The following LRRC37A3 variants were observed in gnomAD, a reference collection of about 807,000 sequenced individuals.
LRRC37A3 encodes leucine-rich repeat-containing protein 37A3.
LRRC37A3 carries 25 observed loss-of-function variants against 106.2 expected under a neutral mutation model. The ratio of observed to expected loss-of-function variants is 0.24; its 90% CI spans 0.17 to 0.33. The LOEUF (loss-of-function observed/expected upper bound fraction) is 0.33, where lower values mean the gene tolerates loss of function less well. Ranked by LOEUF, LRRC37A3 falls within the 10% of genes least tolerant of loss-of-function variation. LRRC37A3 has a pLI of 1.00. For missense variants in LRRC37A3, 712 were observed against 1,644.9 expected, an observed-to-expected ratio of 0.43 and a Z score of 9.81; for synonymous variants, 305 against 635.8, an observed-to-expected ratio of 0.48 and a Z score of 7.83.
At chr17:64,876,445 A>T (rs1973519317) in intron 8 of LRRC37A3, among the ~76,000 whole-genome samples, 1 of 152,194 alleles carries the variant, frequency 6.6e-6, no homozygotes, top group African/African-American at 2.4e-5. Context: ...GCAGCCTCCC[A>T]AAGTGCTAGG....
At chr17:64,871,558 C>T (rs1295024002) in intron 8 of LRRC37A3, 4 of 152,000 alleles carry the variant, frequency 2.6e-5, no homozygotes, top group Non-Finnish European at 5.9e-5. Context: ...CATGATCCCA[C>T]TAGTGATCAG....
intron 8 of LRRC37A3, among the ~76,000 whole-genome samples, chr17:64,878,666 G>A (rs1357241418): frequency 1.3e-5 from 2 of 152,210 alleles, no homozygotes; most frequent in Non-Finnish European, 2.9e-5. Context: ...GCTATGAGAA[G>A]AGACAGACAA....
intron 8 of LRRC37A3, among the ~76,000 whole-genome samples, chr17:64,874,666 G>A (rs1387235236): frequency 6.6e-6 from 1 of 152,280 alleles, no homozygotes; most frequent in African/African-American, 2.4e-5. Context: ...AGGGGGAAAT[G>A]TGGGGAAAAG....
intron 10 of LRRC37A3, among the ~76,000 whole-genome samples, chr17:64,864,269 G>A (rs988286477): frequency 5.9e-5 from 9 of 152,040 alleles, no homozygotes; most frequent in Non-Finnish European, 8.8e-5. Flanking sequence ...CTTGAATTTC[G>A]TCATGAGGAA....
chr17:64,860,190 G>A lies in LRRC37A3; in HGVS notation c.3956C>T (p.Pro1319Leu), dbSNP rs747309618. 2 of 1,613,854 alleles carry A rather than the reference G, an allele frequency of 1.2e-6. No homozygotes were observed. The highest frequency in any genetic ancestry group is 2.2e-5 in the South Asian group (2 of 91,068). Residue 1319 changes from proline to leucine, a missense_variant, in exon 12 of 15, where the codon CCC (proline) becomes CTC (leucine). By Grantham distance (98) the Pro-to-Leu change is moderately conservative. Coordinates refer to ENST00000584306, the MANE Select transcript of LRRC37A3 (RefSeq NM_199340.5). ...KTRSRMTHRT[P>L]KVKKSPKVRK... ...GACCTTTGGACTCTTTTTGACCTTG[G>A]GTGTTCTGTGGGTCATGCGGGAGCG...
At chr17:64,916,131 C>A (rs77758517) in intron 2 of LRRC37A3, among the ~76,000 whole-genome samples, 2 of 151,272 alleles carry the variant, frequency 1.3e-5, no homozygotes, top group Non-Finnish European at 2.9e-5. Flanking sequence ...AGAAGCCTGG[C>A]GTGGTGGCTC....
intron 9 of LRRC37A3, 106 bp from the exon 10 acceptor site, chr17:64,868,642 A>G (rs973971179): frequency 6.8e-7 from 1 of 1,475,594 alleles, no homozygotes; most frequent in South Asian, 1.2e-5. Context: ...TCAAGAGTTT[A>G]TTTGCTGTAG....
chr17:64,862,927 C>A lies in LRRC37A3; in HGVS notation c.3145G>T (p.Ala1049Ser), dbSNP rs145450424. The A allele has an allele frequency of 6.3e-7, 1 of 1,599,182 alleles. No individual in the cohort carries two copies. Among genetic ancestry groups the A allele is most frequent in the Non-Finnish European group, 8.5e-7 (1 of 1,179,774 alleles). Reference sequence around the variant, plus strand: ...CAATGTGTGGTGTTTGTCAGACATGCACTGTTGCAATGCAGCTTGACTGTC... The same window carrying A: ...CAATGTGTGGTGTTTGTCAGACATGAACTGTTGCAATGCAGCTTGACTGTC... ...CKTVKLHCNS[A>S]CLTNTTHCPE... The change falls in exon 11 of 15, where the codon GCA (alanine) becomes TCA (serine). Residue 1049 changes from alanine to serine, a missense_variant. Ala to Ser is a moderately conservative substitution (Grantham distance 99, BLOSUM62 1). Transcript: ENST00000584306.
rs1290888600 is a variant in LRRC37A3 at position 64,854,784 on chromosome 17, G to T, written c.4860-140C>A. The stretch of plus-strand genomic sequence containing the variant: ...CCTGTTGAGGATCTTGTCCTCATTA[G>T]ATGACTTCTTGTGCAGCTTCCATGT... On this transcript the variant is annotated intron_variant, in intron 14 of 14. Transcript: ENST00000584306. The T allele has an allele frequency of 2.5e-6, 4 of 1,611,610 alleles. No homozygotes were observed. The African/African-American group carries it at 5.3e-5, about 22-fold the overall frequency.
chr17:64,878,240 A>C (rs1347308147), intron 8 of LRRC37A3, among the ~76,000 whole-genome samples: 1 of 152,256 alleles, frequency 6.6e-6, no homozygotes, highest in African/African-American at 2.4e-5. Context: ...AGCCTGATTT[A>C]AAACCAAACA....
chr17:64,884,232 A>C (rs1313538750), intron 8 of LRRC37A3, among the ~76,000 whole-genome samples: 1 of 143,948 alleles, frequency 6.9e-6, no homozygotes, highest in Non-Finnish European at 1.5e-5. Flanking sequence ...ACAAATGGAC[A>C]TGACACTCTG....
At chr17:64,867,068 C>T (rs1191900207) in intron 10 of LRRC37A3, among the ~76,000 whole-genome samples, 1 of 151,928 alleles carries the variant, frequency 6.6e-6, no homozygotes. Flanking sequence ...CTTTTAGATG[C>T]TGGATTAGAC....
At chr17:64,878,612 C>T (rs1973589984) in intron 8 of LRRC37A3, among the ~76,000 whole-genome samples, 1 of 152,034 alleles carries the variant, frequency 6.6e-6, no homozygotes, top group Non-Finnish European at 1.5e-5. Flanking sequence ...GGGAAATGTC[C>T]ATCAAAAACT....
rs76813102 is a variant in LRRC37A3 at position 64,858,898 on chromosome 17, A to C, written c.4705-15T>G. 2.7e-6 allele frequency: 4 copies of C among 1,485,452 alleles called. No individual in the cohort carries two copies. The highest frequency in any genetic ancestry group is 3.7e-6 in the Non-Finnish European group (4 of 1,071,336). The allele number at this position is 1,485,452 out of a possible 1,614,324, so 92.0% of individuals were successfully genotyped here. A position where few individuals can be genotyped will look rare whatever the true frequency, so the allele number is the denominator to read the frequency against. On this transcript the variant is annotated splice_polypyrimidine_tract_variant and intron_variant, in intron 12 of 14. Coordinates refer to ENST00000584306, the MANE Select transcript of LRRC37A3 (RefSeq NM_199340.5). ...TCTTTTGTGAACTAAAAAAAAAAAA[A>C]CCAGAATGAGAGCTAACTATTCAAA... is the stretch of plus-strand genomic sequence containing the variant.
Position 64,860,177 on chromosome 17 carries a change from C to A in LRRC37A3, c.3969G>T (p.Lys1323Asn). The part of the protein sequence containing the change: ...RMTHRTPKVK[K>N]SPKVRKKSYL... ...AACTTTTCTTTCTGACCTTTGGACTCTTTTTGACCTTGGGTGTTCTGTGGG... is the reference window on the plus strand; with the variant it reads ...AACTTTTCTTTCTGACCTTTGGACTATTTTTGACCTTGGGTGTTCTGTGGG... Residue 1323 changes from lysine to asparagine, a missense_variant, in exon 12 of 15, where the codon AAG (lysine) becomes AAT (asparagine). By Grantham distance (94) the Lys-to-Asn change is moderately conservative. Coordinates refer to ENST00000584306, the MANE Select transcript of LRRC37A3 (RefSeq NM_199340.5). 1.9e-6 allele frequency: 3 copies of A among 1,613,924 alleles called. No individual in the cohort carries two copies. The highest frequency in any genetic ancestry group is 2.5e-6 in the Non-Finnish European group (3 of 1,179,864).
intron 2 of LRRC37A3, among the ~76,000 whole-genome samples, chr17:64,912,360 CAT>C (rs1567788250): frequency 2.0e-5 from 3 of 151,510 alleles, no homozygotes; most frequent in Non-Finnish European, 4.4e-5. Context: ...TACACACACA[CAT>C]ATATACAATT....
chr17:64,869,301 C>A lies in LRRC37A3; in HGVS notation c.2907-135G>T. 2.8e-6 allele frequency: 4 copies of A among 1,411,294 alleles called. No individual in the cohort carries two copies. In the East Asian group the frequency reaches 9.5e-5, roughly 34 times the overall value. The allele number at this position is 1,411,294 out of a possible 1,614,324, so 87.4% of individuals were successfully genotyped here. ...TGTTTCCTGTCTTTACCTAAGAAAT[C>A]ACCATTAGACTCCGTAAAGCACTAT... is the stretch of plus-strand genomic sequence containing the variant. On this transcript the variant is annotated intron_variant, in intron 8 of 14. Transcript: ENST00000584306.
chr17:64,870,742 GT>G (rs1426845074), intron 8 of LRRC37A3, among the ~76,000 whole-genome samples: 7 of 152,074 alleles, frequency 4.6e-5, no homozygotes, highest in Non-Finnish European at 1.0e-4. Context: ...TTAACCTTAG[GT>G]TTTTTAAAAA....
chr17:64,860,385 C>G lies in LRRC37A3; in HGVS notation c.3761G>C (p.Gly1254Ala). 1.9e-6 allele frequency: 3 copies of G among 1,613,944 alleles called. No homozygotes were observed. The highest frequency in any genetic ancestry group is 2.5e-6 in the Non-Finnish European group (3 of 1,179,874). Residue 1254 changes from glycine to alanine, a missense_variant, in exon 12 of 15, where the codon GGC becomes GCC. Gly to Ala is a moderately conservative substitution (Grantham distance 60). Transcript: ENST00000584306. Reference protein sequence around the residue: ...AVSVLKPFSKGAPSTSSPAKA... With the variant: ...AVSVLKPFSKAAPSTSSPAKA... The stretch of plus-strand genomic sequence containing the variant: ...TGCAGGGCTGGAGGTAGAAGGCGCG[C>G]CCTTGGAGAAGGGTTTCAGCACAGA...
Sources: gnomAD v4.1 joint callset for allele counts (sites outside exome capture counted in the v4.1 genomes callset) on GRCh38, gnomAD v4.1.1 for gene constraint, MANE v1.5 for transcripts, NCBI Gene and HGNC (gene_info 2026-07-23, HGNC 2026-07-21) for gene names.